MLIP: variants seen among roughly 807,000 people sequenced by gnomAD.
The protein encoded by MLIP is muscular LMNA-interacting protein.
Under a neutral mutation model 84.8 loss-of-function variants are expected in MLIP, and 79 were observed. That is an observed-to-expected ratio of 0.93 (90% CI 0.78 to 1.12). The LOEUF (loss-of-function observed/expected upper bound fraction) is 1.12, where lower values mean the gene tolerates loss of function less well. MLIP is among the 50% of genes most tolerant of loss of function. MLIP has a pLI of 0.00. For missense variants in MLIP, 1,257 were observed against 1,160.6 expected, an observed-to-expected ratio of 1.08 and a Z score of -1.21; for synonymous variants, 504 against 463.0, an observed-to-expected ratio of 1.09 and a Z score of -1.14.
intron 1 of MLIP, among the ~76,000 whole-genome samples, chr6:54,103,958 C>T (rs1768832649): frequency 6.6e-6 from 1 of 152,094 alleles, no homozygotes; most frequent in African/African-American, 2.4e-5. Flanking sequence ...AGGTTCGTGA[C>T]TTGCCCTGGT....
intron 4 of MLIP, among the ~76,000 whole-genome samples, chr6:54,143,956 T>A (rs1215745810): frequency 6.6e-6 from 1 of 152,100 alleles, no homozygotes; most frequent in Non-Finnish European, 1.5e-5. Flanking sequence ...ATTTAAGGTG[T>A]TAGAGGAATG....
intron 5 of MLIP, among the ~76,000 whole-genome samples, chr6:54,149,512 C>T (rs1247417992): frequency 6.6e-6 from 1 of 152,118 alleles, no homozygotes; most frequent in Non-Finnish European, 1.5e-5. Context: ...TGTTTGTGAA[C>T]AGTTGGCCAC....
At chr6:54,063,334 C>G (rs1766081937) in intron 1 of MLIP, 1 of 152,072 alleles carries the variant, frequency 6.6e-6, no homozygotes, top group Non-Finnish European at 1.5e-5. Flanking sequence ...ACTCCTAATA[C>G]TCTCCGCACC....
In MLIP at chr6:54,027,827, TG is replaced by T. The variant is rs543200539; in HGVS notation, c.63+8737del. Among the ~76,000 whole-genome samples the T allele has an allele frequency of 1.0e-3, 152 of 152,342 alleles. 1 individual carries two copies. Among genetic ancestry groups the T allele is most frequent in the Non-Finnish European group, 1.9e-3 (129 of 68,032 alleles). On this transcript the variant is annotated intron_variant, in intron 1 of 12. Transcript: ENST00000274897. The stretch of plus-strand genomic sequence containing the variant: ...CTGATAATGTAAGTCTGAGACTCAC[TG>T]TTTGAATGGATCTTTTGATATAGCT...
intron 8 of MLIP, among the ~76,000 whole-genome samples, chr6:54,167,065 G>A (rs1331496842): frequency 6.6e-6 from 1 of 151,764 alleles, no homozygotes; most frequent in Admixed American, 6.6e-5. Flanking sequence ...TTATGCCATG[G>A]CTTCTGCACT....
At chr6:54,191,041 C>T (rs936617604) in intron 10 of MLIP, among the ~76,000 whole-genome samples, 5 of 151,916 alleles carry the variant, frequency 3.3e-5, no homozygotes, top group African/African-American at 9.7e-5. Context: ...GTGATCCACC[C>T]GCCTCGACCT....
chr6:54,140,547 A>G (rs1772202691), intron 4 of MLIP, among the ~76,000 whole-genome samples: 1 of 152,180 alleles, frequency 6.6e-6, no homozygotes, highest in Non-Finnish European at 1.5e-5. Context: ...GCTTCTTATC[A>G]TGGGTAAAAT....
intron 1 of MLIP, among the ~76,000 whole-genome samples, chr6:54,027,832 G>T (rs1763907066): frequency 6.6e-6 from 1 of 152,184 alleles, no homozygotes; most frequent in African/African-American, 2.4e-5. Flanking sequence ...CTCACTGTTT[G>T]AATGGATCTT....
intron 5 of MLIP, among the ~76,000 whole-genome samples, chr6:54,155,098 A>G (rs1773878280): frequency 1.3e-5 from 2 of 152,114 alleles, no homozygotes; most frequent in African/African-American, 4.8e-5. Flanking sequence ...TCAGTTCTTG[A>G]TATTTTTAAA....
chr6:54,254,354 T>A (rs1362270165), intron 12 of MLIP, among the ~76,000 whole-genome samples: 1 of 152,044 alleles, frequency 6.6e-6, no homozygotes. Flanking sequence ...TTCAAACTCC[T>A]GATCTTGTGA....
At chr6:54,127,848 A>G (rs1170335271) in intron 3 of MLIP, among the ~76,000 whole-genome samples, 1 of 152,210 alleles carries the variant, frequency 6.6e-6, no homozygotes, top group Non-Finnish European at 1.5e-5. Context: ...AAGCTGTTGA[A>G]TCAAAATCCT....
chr6:54,127,794 C>G (rs1013456934), intron 3 of MLIP, among the ~76,000 whole-genome samples: 3 of 152,036 alleles, frequency 2.0e-5, no homozygotes, highest in African/African-American at 7.2e-5. Context: ...AAAAATCACT[C>G]AATAATTTCA....
chr6:54,086,230 C>T (rs1767478329), intron 1 of MLIP, among the ~76,000 whole-genome samples: 1 of 152,152 alleles, frequency 6.6e-6, no homozygotes, highest in Admixed American at 6.6e-5. Flanking sequence ...ATAACTTCCA[C>T]ATTTACATCT....
intron 1 of MLIP, among the ~76,000 whole-genome samples, chr6:54,079,311 G>A (rs1179889896): frequency 6.6e-6 from 1 of 152,124 alleles, no homozygotes; most frequent in Non-Finnish European, 1.5e-5. Flanking sequence ...GGTGAGATTT[G>A]GCTTAAGCAG....
intron 1 of MLIP, among the ~76,000 whole-genome samples, chr6:54,071,454 T>C (rs949116083): frequency 6.6e-6 from 1 of 152,200 alleles, no homozygotes; most frequent in Non-Finnish European, 1.5e-5. Flanking sequence ...CTTTTAAGTC[T>C]CTTGAGACAT....
intron 1 of MLIP, among the ~76,000 whole-genome samples, chr6:54,054,910 C>T (rs1356651022): frequency 6.7e-6 from 1 of 148,804 alleles, no homozygotes; most frequent in Non-Finnish European, 1.5e-5. Context: ...TTTTTTGAGA[C>T]GGAGTCTCGC....
At chr6:54,096,299 T>C (rs1768208733) in intron 1 of MLIP, among the ~76,000 whole-genome samples, 1 of 152,186 alleles carries the variant, frequency 6.6e-6, no homozygotes, top group Non-Finnish European at 1.5e-5. Flanking sequence ...ATTTATCAAA[T>C]ACTTACTATA....
At chr6:54,248,398 A>C (rs548812225) in intron 12 of MLIP, among the ~76,000 whole-genome samples, 118 of 152,216 alleles carry the variant, frequency 7.8e-4, no homozygotes, top group Non-Finnish European at 1.3e-3. Context: ...GAGAACTGAA[A>C]TGGTGTTAGA....
At chr6:54,117,611 A>T (rs1770054989) in intron 1 of MLIP, among the ~76,000 whole-genome samples, 1 of 151,992 alleles carries the variant, frequency 6.6e-6, no homozygotes, top group South Asian at 2.1e-4. Flanking sequence ...GAAAGGAAGC[A>T]GTTAAATTGA....
Sources: allele counts gnomAD v4.1 joint callset (sites outside exome capture counted in the v4.1 genomes callset), GRCh38; gene constraint gnomAD v4.1.1; transcripts MANE v1.5; gene names NCBI Gene and HGNC (gene_info 2026-07-23, HGNC 2026-07-21).